The following NLGN1 variants were observed in gnomAD, a reference collection of about 807,000 sequenced individuals.
NLGN1 encodes neuroligin 1, also known as neuroligin-1.
NLGN1 carries 12 observed loss-of-function variants against 65.5 expected under a neutral mutation model. That is an observed-to-expected ratio of 0.18 (90% CI 0.12 to 0.30). The LOEUF (loss-of-function observed/expected upper bound fraction) is 0.30, where lower values mean the gene tolerates loss of function less well. NLGN1 is among the 10% of genes least tolerant of loss of function. The pLI, the probability that NLGN1 is intolerant of heterozygous loss-of-function variation, is 1.00. For synonymous variants in NLGN1, 350 were observed against 359.5 expected, an observed-to-expected ratio of 0.97 and a Z score of 0.30; for missense variants, 750 against 1,007.1, an observed-to-expected ratio of 0.74 and a Z score of 3.46.
intron 4 of NLGN1, among the ~76,000 whole-genome samples, chr3:174,163,817 G>T (rs143490522): frequency 3.3e-5 from 5 of 151,842 alleles, no homozygotes; most frequent in Admixed American, 6.6e-5. Context: ...CCATGTTTTC[G>T]TTATCCAGTC....
intron 4 of NLGN1, among the ~76,000 whole-genome samples, chr3:174,007,361 C>T (rs1422121257): frequency 1.3e-5 from 2 of 152,180 alleles, no homozygotes; most frequent in African/African-American, 4.8e-5. Flanking sequence ...TGGTCCCATG[C>T]TTTAATGAAA....
chr3:173,511,166 G>A lies in NLGN1; in HGVS notation c.-321+76088G>A, dbSNP rs192912950. Among the ~76,000 whole-genome samples, 838 of 152,290 alleles carry A rather than the reference G, an allele frequency of 5.5e-3. 3 individuals carry two copies. The highest frequency in any genetic ancestry group is 8.6e-3 in the Non-Finnish European group (586 of 68,032). ...AAAGCCCAGCTATTCCTTTAGACCAGTGTTTCTGCTAAACAAAATGCACTG... is the reference window on the plus strand; with the variant it reads ...AAAGCCCAGCTATTCCTTTAGACCAATGTTTCTGCTAAACAAAATGCACTG... On this transcript the variant is annotated intron_variant, in intron 2 of 6. Transcript: ENST00000457714.
chr3:174,037,033 G>A (rs1419439183), intron 4 of NLGN1, among the ~76,000 whole-genome samples: 2 of 152,042 alleles, frequency 1.3e-5, no homozygotes, highest in Admixed American at 1.3e-4. Context: ...CCATATCTTT[G>A]CTGTCGTAAA....
At chr3:174,090,940 A>G (rs17326856) in intron 4 of NLGN1, among the ~76,000 whole-genome samples, 6,515 of 152,256 alleles carry the variant, frequency 0.043, 178 homozygotes, top group South Asian at 0.093. Flanking sequence ...TTTGCCTTCA[A>G]AGATACTTGC....
chr3:173,535,830 C>T (rs190894818), intron 2 of NLGN1, among the ~76,000 whole-genome samples: 21 of 152,074 alleles, frequency 1.4e-4, no homozygotes, highest in Admixed American at 2.0e-4. Flanking sequence ...TTTTTTGCTT[C>T]GAAATAAGGC....
chr3:173,492,794 A>G (rs1356852270), intron 2 of NLGN1, among the ~76,000 whole-genome samples: 1 of 151,854 alleles, frequency 6.6e-6, no homozygotes, highest in African/African-American at 2.4e-5. Context: ...CTTTGATTAC[A>G]TTATTTGCAC....
intron 2 of NLGN1, among the ~76,000 whole-genome samples, chr3:173,446,688 A>C (rs373911524): frequency 6.6e-6 from 1 of 152,102 alleles, no homozygotes; most frequent in South Asian, 2.1e-4. Flanking sequence ...ACCAACAGTA[A>C]AAGTGTTACT....
chr3:173,567,112 C>A (rs1173970783), intron 2 of NLGN1, among the ~76,000 whole-genome samples: 1 of 152,064 alleles, frequency 6.6e-6, no homozygotes, highest in African/African-American at 2.4e-5. Flanking sequence ...CTCTTATTGA[C>A]TTTAACCTTG....
chr3:173,906,151 T>C (rs1738345046), intron 4 of NLGN1, among the ~76,000 whole-genome samples: 1 of 152,232 alleles, frequency 6.6e-6, no homozygotes, highest in Non-Finnish European at 1.5e-5. Context: ...GTTTAAGTAT[T>C]GTGTTTAACA....
intron 4 of NLGN1, among the ~76,000 whole-genome samples, chr3:174,196,756 A>G (rs1733499032): frequency 6.6e-6 from 1 of 152,234 alleles, no homozygotes; most frequent in African/African-American, 2.4e-5. Flanking sequence ...ATTGCTAACA[A>G]TCATGCTGTC....
intron 3 of NLGN1, among the ~76,000 whole-genome samples, chr3:173,658,564 T>C (rs1344568175): frequency 6.6e-6 from 1 of 151,998 alleles, no homozygotes; most frequent in Admixed American, 6.6e-5. Context: ...TCAGATGACT[T>C]CTGATGAGTC....
chr3:174,186,793 G>A (rs1037462315), intron 4 of NLGN1, among the ~76,000 whole-genome samples: 8 of 151,916 alleles, frequency 5.3e-5, no homozygotes, highest in Non-Finnish European at 1.2e-4. Flanking sequence ...TGCTTTAAAG[G>A]AAATTGAGAT....
At chr3:173,894,865 G>C (rs1216813810) in intron 4 of NLGN1, among the ~76,000 whole-genome samples, 4 of 151,946 alleles carry the variant, frequency 2.6e-5, no homozygotes, top group African/African-American at 9.7e-5. Flanking sequence ...TCGAACTCCT[G>C]ACCTCAAGTG....
chr3:174,206,124 G>A (rs1013979661), intron 4 of NLGN1, among the ~76,000 whole-genome samples: 2 of 152,288 alleles, frequency 1.3e-5, no homozygotes, highest in East Asian at 1.9e-4. Context: ...AGATGACAAC[G>A]TTTGTTTCAA....
intron 4 of NLGN1, among the ~76,000 whole-genome samples, chr3:173,999,297 T>C (rs1722846386): frequency 6.6e-6 from 1 of 152,166 alleles, no homozygotes; most frequent in Admixed American, 6.5e-5. Flanking sequence ...CCCAAAATGA[T>C]TTCAAGGAGT....
chr3:173,964,720 G>A (rs1445344517), intron 4 of NLGN1, among the ~76,000 whole-genome samples: 1 of 152,120 alleles, frequency 6.6e-6, no homozygotes, highest in Non-Finnish European at 1.5e-5. Context: ...GATTAAAAAT[G>A]GTAGATGTAT....
intron 3 of NLGN1, among the ~76,000 whole-genome samples, chr3:173,679,324 C>T (rs2149776938): frequency 6.6e-6 from 1 of 151,886 alleles, no homozygotes; most frequent in African/African-American, 2.4e-5. Context: ...TTAGAGGTTC[C>T]AGGATTTCAG....
intron 3 of NLGN1, among the ~76,000 whole-genome samples, chr3:173,802,938 A>G (rs1210024923): frequency 1.3e-5 from 2 of 151,624 alleles, no homozygotes; most frequent in Non-Finnish European, 2.9e-5. Flanking sequence ...CCTCGTGTTC[A>G]AGCAAGCAAT....
At chr3:174,079,267 G>A (rs1741658090) in intron 4 of NLGN1, among the ~76,000 whole-genome samples, 1 of 152,176 alleles carries the variant, frequency 6.6e-6, no homozygotes. Flanking sequence ...TATACATGCG[G>A]CCAACACTCA....
Sources: allele counts gnomAD v4.1 joint callset (sites outside exome capture counted in the v4.1 genomes callset), GRCh38; gene constraint gnomAD v4.1.1; transcripts MANE v1.5; gene names NCBI Gene and HGNC (gene_info 2026-07-23, HGNC 2026-07-21).